The following NHSL3 variants were observed in gnomAD, a reference collection of about 807,000 sequenced individuals.
NHSL3 encodes the protein NHS-like protein 3.
chr1:32,769,081 C>A, the NHSL3 span: 322 of 238,868 alleles, frequency 1.3e-3, no homozygotes, highest in African/African-American at 6.7e-3. Context: ...AATGAAACCC[C>A]GTCTCTACTA....
At chr1:32,771,138 C>A in the NHSL3 span, 9 of 1,613,048 alleles carry the variant, frequency 5.6e-6, no homozygotes, top group South Asian at 9.9e-5. Flanking sequence ...TATTGACCCC[C>A]CTGGGTGACA....
At chr1:32,751,096 C>G in the NHSL3 span, among the ~76,000 whole-genome samples, 2 of 152,218 alleles carry the variant, frequency 1.3e-5, no homozygotes, top group African/African-American at 4.8e-5. Context: ...CAGGCATGAG[C>G]CACCGTGCCT....
the NHSL3 span, among the ~76,000 whole-genome samples, chr1:32,754,640 A>ATG: frequency 6.6e-6 from 1 of 152,112 alleles, no homozygotes; most frequent in African/African-American, 2.4e-5. Context: ...AGGCACACAG[A>ATG]TGTACACACA....
chr1:32,753,478 G>A, the NHSL3 span, among the ~76,000 whole-genome samples: 1 of 151,412 alleles, frequency 6.6e-6, no homozygotes, highest in Non-Finnish European at 1.5e-5. Flanking sequence ...GCGAGACTTG[G>A]TCTCAAAAAA....
chr1:32,764,642 T>A, the NHSL3 span, among the ~76,000 whole-genome samples: 1 of 152,096 alleles, frequency 6.6e-6, no homozygotes, highest in African/African-American at 2.4e-5. Flanking sequence ...TAATTTTTAA[T>A]TTTAATTTTA....
At chr1:32,765,668 G>C in the NHSL3 span, 2 of 1,535,528 alleles carry the variant, frequency 1.3e-6, no homozygotes, top group African/African-American at 2.7e-5. Flanking sequence ...GGGCGGGAGG[G>C]CTCGCATCCC....
the NHSL3 span, chr1:32,773,044 G>C: frequency 1.4e-6 from 1 of 701,562 alleles, no homozygotes; most frequent in Non-Finnish European, 2.5e-6. Context: ...TGCAAGCCTG[G>C]TGTTGCTCCT....
chr1:32,767,978 C>G, the NHSL3 span: 1 of 1,611,596 alleles, frequency 6.2e-7, no homozygotes, highest in Non-Finnish European at 8.5e-7. Context: ...TCTCCACTCC[C>G]CTCCCCTCTC....
the NHSL3 span, among the ~76,000 whole-genome samples, chr1:32,772,648 CT>C: frequency 6.6e-6 from 1 of 152,240 alleles, no homozygotes; most frequent in Non-Finnish European, 1.5e-5. Flanking sequence ...AACTTTGCCT[CT>C]TTCCCTACCC....
chr1:32,773,080 G>T, the NHSL3 span: 1 of 613,340 alleles, frequency 1.6e-6, no homozygotes. Flanking sequence ...CTGCGCTCAT[G>T]CCTTTTCCCG....
chr1:32,757,885 G>C, the NHSL3 span, among the ~76,000 whole-genome samples: 3,639 of 152,270 alleles, frequency 0.024, 58 homozygotes, highest in Non-Finnish European at 0.035. Flanking sequence ...GGCAGAGAAA[G>C]CCTGCGGCCC....
At chr1:32,742,070 G>A in the NHSL3 span, 1 of 1,262,422 alleles carries the variant, frequency 7.9e-7, no homozygotes, top group Non-Finnish European at 1.0e-6. Flanking sequence ...CGCGCCTTCA[G>A]CTGGCTGCGG....
At chr1:32,746,029 G>C in the NHSL3 span, among the ~76,000 whole-genome samples, 1 of 152,048 alleles carries the variant, frequency 6.6e-6, no homozygotes, top group Non-Finnish European at 1.5e-5. Flanking sequence ...AGGAGATTGA[G>C]ACCATCCTGG....
chr1:32,742,016 C>G, the NHSL3 span: 5 of 1,236,638 alleles, frequency 4.0e-6, no homozygotes, highest in Non-Finnish European at 1.0e-6. Context: ...CCGGGCGGCC[C>G]CCCGCGCAGG....
the NHSL3 span, chr1:32,765,944 G>C: frequency 3.2e-4 from 314 of 971,040 alleles, 1 homozygote; most frequent in South Asian, 3.5e-3. Context: ...GCTGGGGGCT[G>C]ATAATGAGGC....
At chr1:32,758,260 G>A in the NHSL3 span, among the ~76,000 whole-genome samples, 9 of 152,216 alleles carry the variant, frequency 5.9e-5, no homozygotes, top group South Asian at 4.1e-4. Flanking sequence ...AGGAAGACCC[G>A]CCCTCTTCCT....
the NHSL3 span, chr1:32,742,013 G>T: frequency 8.1e-7 from 1 of 1,230,506 alleles, no homozygotes; most frequent in East Asian, 3.3e-5. Flanking sequence ...AACCCGGGCG[G>T]CCCCCCGCGC....
the NHSL3 span, chr1:32,771,231 C>T: frequency 2.5e-6 from 4 of 1,613,168 alleles, no homozygotes; most frequent in Non-Finnish European, 3.4e-6. Context: ...ACCCAGCTGC[C>T]CCTGCTCTAG....
chr1:32,742,715 A>G, the NHSL3 span, among the ~76,000 whole-genome samples: 1 of 152,214 alleles, frequency 6.6e-6, no homozygotes, highest in African/African-American at 2.4e-5. Flanking sequence ...GCTTCTTAAC[A>G]GTGCTGGCTT....
Sources: gnomAD v4.1 joint callset for allele counts (sites outside exome capture counted in the v4.1 genomes callset) on GRCh38, gnomAD v4.1.1 for gene constraint, MANE v1.5 for transcripts, NCBI Gene and HGNC (gene_info 2026-07-23, HGNC 2026-07-21) for gene names.